COLGALT2: variants seen among roughly 807,000 people sequenced by gnomAD.
COLGALT2 encodes the protein procollagen galactosyltransferase 2.
In COLGALT2, 49 loss-of-function variants were observed where a neutral mutation model predicts 73.4. The observed-to-expected ratio is 0.67, with a 90% CI of 0.53 to 0.85. The LOEUF (loss-of-function observed/expected upper bound fraction) is 0.85. Ranked by LOEUF, COLGALT2 falls within the 40% of genes least tolerant of loss-of-function variation. COLGALT2 has a pLI of 0.00. For missense variants in COLGALT2, 722 were observed against 790.2 expected (o/e 0.91, Z 1.03); for synonymous variants, 295 against 307.6 (o/e 0.96, Z 0.43).
Position 183,975,227 on chromosome 1 carries a change from T to C in COLGALT2, c.375-13A>G. 1.9e-6 allele frequency: 3 copies of C among 1,546,552 alleles called. No individual in the cohort carries two copies. Among genetic ancestry groups the C allele is most frequent in the Non-Finnish European group, 2.7e-6 (3 of 1,119,568 alleles). ...ATCAGGGTAAGACCTAAAATAATAA[T>C]AATAGCTCATCATTATTGAGTGCCT... On this transcript the variant is annotated splice_polypyrimidine_tract_variant and intron_variant, in intron 2 of 11. Transcript: ENST00000361927.
downstream of COLGALT2, among the ~76,000 whole-genome samples, chr1:183,933,669 C>T (rs1669889001): frequency 1.3e-5 from 2 of 152,114 alleles, no homozygotes; most frequent in South Asian, 4.1e-4. Context: ...AAATCAAATT[C>T]CCCCACTAGT....
At chr1:183,960,672 T>C (rs1558315247) in intron 6 of COLGALT2, among the ~76,000 whole-genome samples, 1 of 152,248 alleles carries the variant, frequency 6.6e-6, no homozygotes, top group African/African-American at 2.4e-5. Flanking sequence ...TGTTCAACCA[T>C]GGCCCGCAGG....
chr1:183,954,092 G>C (rs565710233), intron 7 of COLGALT2, among the ~76,000 whole-genome samples: 81 of 152,314 alleles, frequency 5.3e-4, no homozygotes, highest in Non-Finnish European at 1.0e-3. Context: ...ACACCCATGA[G>C]AGAGTCAGTG....
In COLGALT2 at chr1:183,938,594, A is replaced by G. The variant is rs1057196192; in HGVS notation, c.*167T>C. On this transcript the variant is annotated 3_prime_UTR_variant, in exon 12 of 12. Coordinates refer to ENST00000361927, the MANE Select transcript of COLGALT2 (RefSeq NM_015101.4). ...GGGTTGAATTTCCTTATTTCCTTCC[A>G]TGGTCAAAAATATGTTAATTTCGAT... The G allele has an allele frequency of 2.1e-6, 3 of 1,424,642 alleles. No homozygotes were observed. Among genetic ancestry groups the G allele is most frequent in the Admixed American group, 3.0e-5 (1 of 33,882 alleles). The allele number at this position is 1,424,642 out of a possible 1,614,324, so 88.3% of individuals were successfully genotyped here.
chr1:184,036,318 C>T (rs1272217572), intron 1 of COLGALT2, among the ~76,000 whole-genome samples: 7 of 152,242 alleles, frequency 4.6e-5, no homozygotes, highest in African/African-American at 1.7e-4. Flanking sequence ...CCTGGCCCTC[C>T]CCGCAGCAGA....
At chr1:184,002,925 A>G (rs1671970653) in intron 1 of COLGALT2, among the ~76,000 whole-genome samples, 2 of 152,322 alleles carry the variant, frequency 1.3e-5, no homozygotes, top group Middle Eastern at 3.4e-3. Flanking sequence ...AAAAATATCA[A>G]AAGACTGTGA....
At chr1:183,957,154 GAT>G (rs112660169) in intron 6 of COLGALT2, among the ~76,000 whole-genome samples, 1 of 151,534 alleles carries the variant, frequency 6.6e-6, no homozygotes, top group South Asian at 2.1e-4. Context: ...TTCTGTGAGT[GAT>G]ATATATATAT....
In COLGALT2 at chr1:183,938,794, G is replaced by A. The variant is rs975427101; in HGVS notation, c.1848C>T (p.Ser616=). The A allele has an allele frequency of 4.3e-6, 7 of 1,614,188 alleles. No individual in the cohort carries two copies. Among genetic ancestry groups the A allele is most frequent in the Non-Finnish European group, 5.9e-6 (7 of 1,180,022 alleles). Residue 616 remains serine (S), a synonymous_variant, in exon 12 of 12, where the codon TCC becomes TCT. Transcript: ENST00000361927. ...CATCCCTTGAAGGCACAGTGTCCAG[G>A]GAGGTTGGCGGTGGCAGGGCCTCTG... The part of the protein sequence containing the change: ...KNTEALPPPT[S]LDTVPSRDEL
At chr1:183,948,176 A>C (rs1670299665) in intron 8 of COLGALT2, among the ~76,000 whole-genome samples, 1 of 152,168 alleles carries the variant, frequency 6.6e-6, no homozygotes, top group South Asian at 2.1e-4. Flanking sequence ...GTTAACACGA[A>C]TCTTTCACAA....
Position 183,963,604 on chromosome 1 carries a change from G to A in COLGALT2, c.952+297C>T, listed in dbSNP as rs151182916. On this transcript the variant is annotated intron_variant, in intron 6 of 11. Transcript: ENST00000361927. ...ATATAATTAGAAAGCAGCCAAGTTA[G>A]GGTTTAAGTCCACACCACAAAACAC... is the stretch of plus-strand genomic sequence containing the variant. Among the ~76,000 whole-genome samples the A allele has an allele frequency of 8.9e-4, 135 of 152,270 alleles. No homozygotes were observed. In the Middle Eastern group the frequency reaches 0.01, roughly 12 times the overall value.
intron 1 of COLGALT2, among the ~76,000 whole-genome samples, chr1:184,024,672 T>TTTTG (rs1478010611): frequency 6.6e-6 from 1 of 151,240 alleles, no homozygotes. Context: ...TTTTTTTTTT[T>TTTTG]TCTGAGCAGA....
Position 184,037,239 on chromosome 1 carries a change from T to C in COLGALT2, c.119A>G (p.Glu40Gly), listed in dbSNP as rs1443445853. The change falls in exon 1 of 12, where the codon GAG becomes GGG. Residue 40 changes from glutamate to glycine, a missense_variant. Transcript: ENST00000361927. ...CGACTCCGGGAAAACCACCGGCTCC[T>C]CTCCGTCGTCCTCCGAGTCCCGCTC... ...VAERDSEDDGEEPVVFPESPL... is the reference protein window; with the variant it reads ...VAERDSEDDGGEPVVFPESPL... 3 of 1,588,660 alleles carry C rather than the reference T, an allele frequency of 1.9e-6. No individual in the cohort carries two copies. Among genetic ancestry groups the C allele is most frequent in the Non-Finnish European group, 2.6e-6 (3 of 1,169,644 alleles).
At chr1:183,933,624 C>CAGAG (rs10562111), downstream of COLGALT2, among the ~76,000 whole-genome samples, 3 of 150,688 alleles carry the variant, frequency 2.0e-5, no homozygotes, top group Non-Finnish European at 3.0e-5. Flanking sequence ...CATCTAAGAA[C>CAGAG]AGAGAGAGAG....
intron 4 of COLGALT2, 124 bp downstream of exon 4, chr1:183,973,492 C>G: frequency 1.6e-6 from 2 of 1,266,258 alleles, no homozygotes; most frequent in Non-Finnish European, 2.2e-6. Flanking sequence ...AATGCTTGCT[C>G]TGGGAACACA....
chr1:183,935,841 T>A lies in COLGALT2; in HGVS notation c.*2920A>T. On this transcript the variant is annotated 3_prime_UTR_variant, in exon 12 of 12. Coordinates refer to ENST00000361927, the MANE Select transcript of COLGALT2 (RefSeq NM_015101.4). ...GCAATTGACAATCATATCTTTGAGC[T>A]AAGTTTTTTTTTAATTTTTCACAAA... 1 of 985,310 alleles carries A rather than the reference T, an allele frequency of 1.0e-6. No individual in the cohort carries two copies. Among genetic ancestry groups the A allele is most frequent in the Non-Finnish European group, 1.2e-6 (1 of 829,806 alleles). The allele number at this position is 985,310 out of a possible 1,614,324, so 61.0% of individuals were successfully genotyped here. A position where few individuals can be genotyped will look rare whatever the true frequency, so the allele number is the denominator to read the frequency against.
At chr1:183,999,529 G>A (rs1250800094) in intron 1 of COLGALT2, among the ~76,000 whole-genome samples, 1 of 152,028 alleles carries the variant, frequency 6.6e-6, no homozygotes, top group African/African-American at 2.4e-5. Context: ...TATATATAAT[G>A]TTGGAATGAT....
exon 12 of COLGALT2, chr1:183,930,187 C>T (rs1419379114): frequency 2.2e-6 from 1 of 455,876 alleles, no homozygotes. Flanking sequence ...ACCACCTCTG[C>T]CACAGAGGGG....
At chr1:184,026,469 C>T (rs1488548517) in intron 1 of COLGALT2, among the ~76,000 whole-genome samples, 1 of 152,176 alleles carries the variant, frequency 6.6e-6, no homozygotes, top group East Asian at 1.9e-4. Flanking sequence ...GGCTGCTGTA[C>T]ATGCAGTTAT....
At chr1:184,003,445 A>G (rs1399406821) in intron 1 of COLGALT2, among the ~76,000 whole-genome samples, 2 of 152,200 alleles carry the variant, frequency 1.3e-5, no homozygotes, top group Admixed American at 6.5e-5. Context: ...GCTCTGCTCA[A>G]TAGTCCTTGT....
Sources: allele counts gnomAD v4.1 joint callset (sites outside exome capture counted in the v4.1 genomes callset), GRCh38; gene constraint gnomAD v4.1.1; transcripts MANE v1.5; gene names NCBI Gene and HGNC (gene_info 2026-07-23, HGNC 2026-07-21).